Variants in PFKFB3 observed in about 807,000 individuals in gnomAD.
The protein encoded by PFKFB3 is 6-phosphofructo-2-kinase/fructose-2,6-biphosphatase 3, also known as 6-phosphofructo-2-kinase/fructose-2,6-bisphosphatase 3.
In PFKFB3, 33 loss-of-function variants were observed where a neutral mutation model predicts 68.0. The ratio of observed to expected loss-of-function variants is 0.49; its 90% CI spans 0.37 to 0.65. The LOEUF (loss-of-function observed/expected upper bound fraction) is 0.65, where lower values mean the gene tolerates loss of function less well. PFKFB3 is among the 30% of genes least tolerant of loss of function. PFKFB3 has a pLI of 0.00. For missense variants in PFKFB3, 586 were observed against 712.2 expected (o/e 0.82, Z 2.02); for synonymous variants, 315 against 288.2 (o/e 1.09, Z -0.94).
chr10:6,200,725 G>T (rs1264215096), upstream of PFKFB3, among the ~76,000 whole-genome samples: 1 of 150,520 alleles, frequency 6.6e-6, no homozygotes, highest in Non-Finnish European at 1.5e-5. Flanking sequence ...TTTGCCTGCT[G>T]CAGAGCAAGT....
upstream of PFKFB3, among the ~76,000 whole-genome samples, chr10:6,199,658 A>ATTTTTTTTTTTTTTTTTTTTTTTTT (rs143309528): frequency 2.6e-5 from 2 of 75,584 alleles, no homozygotes; most frequent in East Asian, 4.0e-4. Context: ...CTATTTTTAA[A>ATTTTTTTTTTTTTTTTTTTTTTTTT]TTTTTTTTTT....
chr10:6,177,630 A>G (rs183842538), intron 1 of PFKFB3, among the ~76,000 whole-genome samples: 75 of 150,426 alleles, frequency 5.0e-4, no homozygotes, highest in Admixed American at 4.7e-3. Flanking sequence ...GGTTCAAGCA[A>G]TTCTCCTGCC....
At chr10:6,217,269 C>A in intron 6 of PFKFB3, 78 bp downstream of exon 6, 2 of 1,324,138 alleles carry the variant, frequency 1.5e-6, no homozygotes, top group Non-Finnish European at 1.1e-6. Context: ...AGTGGGGGAC[C>A]GGGTCCGGCT....
chr10:6,146,192 TCCCTTCCCGCACCCAC>T, intron 1 of PFKFB3: 2 of 1,410,462 alleles, frequency 1.4e-6, no homozygotes, highest in Non-Finnish European at 1.9e-6. Flanking sequence ...GTGCCGTCTC[TCCCTTCCCGCACCCAC>T]CCATCTGCCT....
downstream of PFKFB3, among the ~76,000 whole-genome samples, chr10:6,237,469 G>A (rs1846040522): frequency 6.6e-6 from 1 of 152,242 alleles, no homozygotes; most frequent in Non-Finnish European, 1.5e-5. Flanking sequence ...GAGCAAAGAT[G>A]TCGTTGAAAG....
intron 1 of PFKFB3, chr10:6,146,377 A>G (rs990274390): frequency 5.2e-6 from 8 of 1,534,958 alleles, no homozygotes; most frequent in Non-Finnish European, 7.0e-6. Context: ...TGGGGTAGAG[A>G]GATGGGGGAG....
downstream of PFKFB3, among the ~76,000 whole-genome samples, chr10:6,235,729 A>G (rs1845991747): frequency 6.7e-6 from 1 of 149,442 alleles, no homozygotes; most frequent in Non-Finnish European, 1.5e-5. Flanking sequence ...GATAGGCTTC[A>G]TGTTTTATTT....
rs112942844 is a variant in PFKFB3, at chr10:6,167,690, G to A, written c.16+22677G>A. On this transcript the variant is annotated intron_variant, in intron 1 of 14. Transcript: ENST00000379789. ...CATTGGATTATCTGAGGCAGCATTC[G>A]TATCTGGTGGCCTCTCTGCTCTGAG... 2.4e-3 allele frequency among the ~76,000 whole-genome samples: 360 copies of A among 152,290 alleles called. 2 individuals are homozygous for A. Among genetic ancestry groups the A allele is most frequent in the African/African-American group, 8.0e-3 (333 of 41,544 alleles).
At chr10:6,296,372 G>C in the PFKFB3 span, among the ~76,000 whole-genome samples, 12 of 152,212 alleles carry the variant, frequency 7.9e-5, no homozygotes, top group Admixed American at 5.2e-4. Flanking sequence ...TACCGGAAAG[G>C]GGTCCCAATC....
At chr10:6,218,459 CCTT>C (rs1844740729) in intron 6 of PFKFB3, among the ~76,000 whole-genome samples, 2 of 151,590 alleles carry the variant, frequency 1.3e-5, no homozygotes, top group Admixed American at 1.3e-4. Flanking sequence ...AACGGACTCT[CCTT>C]CTGTTGCCCA....
intron 1 of PFKFB3, among the ~76,000 whole-genome samples, chr10:6,205,063 A>G (rs1300771376): frequency 6.6e-6 from 1 of 152,210 alleles, no homozygotes; most frequent in Non-Finnish European, 1.5e-5. Flanking sequence ...AGATTTGCCT[A>G]AGAATCCCTG....
the PFKFB3 span, chr10:6,294,551 C>G: frequency 5.7e-6 from 1 of 176,230 alleles, no homozygotes; most frequent in Admixed American, 5.9e-5. Flanking sequence ...CCCACCGGGT[C>G]CCTCCCATGA....
intron 1 of PFKFB3, among the ~76,000 whole-genome samples, chr10:6,166,924 G>A (rs1842160816): frequency 1.3e-5 from 2 of 150,426 alleles, no homozygotes; most frequent in Admixed American, 1.3e-4. Flanking sequence ...CTGCCTCCCA[G>A]TTTAAAGCAA....
intron 1 of PFKFB3, among the ~76,000 whole-genome samples, chr10:6,188,828 A>ATTTTT (rs35338599): frequency 8.8e-6 from 1 of 113,078 alleles, no homozygotes; most frequent in African/African-American, 3.3e-5. Context: ...CTTCCTTTTA[A>ATTTTT]TTTTTTTTTT....
chr10:6,215,988 G>C lies in PFKFB3; in HGVS notation c.300-137G>C. On this transcript the variant is annotated intron_variant, in intron 3 of 14. Transcript: ENST00000379775. This position sits in a 1 kb window ranked among gnomAD's most constrained non-coding sequence, Gnocchi z 4.3. ...GAAGCCTCTGGGCCTGAGGGGTGCT[G>C]GCCAGCCTGCCCAGCGCTAAGCAGT... 1 of 858,482 alleles carries C rather than the reference G, an allele frequency of 1.2e-6. No individual in the cohort carries two copies. Among genetic ancestry groups the C allele is most frequent in the Non-Finnish European group, 1.9e-6 (1 of 522,098 alleles). 53.2% of individuals were successfully genotyped at this position (858,482 alleles called of 1,614,324 possible).
Position 6,226,276 on chromosome 10 carries a change from A to G in PFKFB3, c.1426A>G (p.Ile476Val), listed in dbSNP as rs779383308. 1.2e-6 allele frequency: 2 copies of G among 1,614,198 alleles called. No homozygotes were observed. Among genetic ancestry groups the G allele is most frequent in the Admixed American group, 1.7e-5 (1 of 60,022 alleles). ...CCCCGAACCCACCAAAAAGCCTCGC[A>G]TCAACAGCTTTGAGGAGCATGTGGC... Reference protein sequence around the residue: ...ASPEPTKKPRINSFEEHVAST... With the variant: ...ASPEPTKKPRVNSFEEHVAST... Residue 476 changes from isoleucine to valine, a missense_variant, in exon 14 of 15, where the codon ATC becomes GTC. Physicochemically the swap from Ile to Val is conservative, Grantham distance 29. Coordinates refer to ENST00000379775, the MANE Select transcript of PFKFB3 (RefSeq NM_004566.4).
chr10:6,326,428 T>G, the PFKFB3 span: 7 of 412,478 alleles, frequency 1.7e-5, no homozygotes, highest in Non-Finnish European at 3.4e-5. Flanking sequence ...ATCCTGCACA[T>G]GTACCCCAGA....
At chr10:6,321,288 G>A in the PFKFB3 span, among the ~76,000 whole-genome samples, 13 of 151,960 alleles carry the variant, frequency 8.6e-5, no homozygotes, top group African/African-American at 2.7e-4. Flanking sequence ...TCCTCCCTCA[G>A]CTGTGTCCTC....
At chr10:6,260,447 T>C in the PFKFB3 span, among the ~76,000 whole-genome samples, 2 of 149,990 alleles carry the variant, frequency 1.3e-5, no homozygotes, top group South Asian at 4.2e-4. Flanking sequence ...AATTCAAACA[T>C]TGCCAGCATC....
Sources: allele counts gnomAD v4.1 joint callset (sites outside exome capture counted in the v4.1 genomes callset), GRCh38; gene constraint gnomAD v4.1.1; non-coding constraint Gnocchi (gnomAD v3.1); transcripts MANE v1.5; gene names NCBI Gene and HGNC (gene_info 2026-07-23, HGNC 2026-07-21).